Variants in CNMD observed in about 807,000 individuals in gnomAD.
The protein encoded by CNMD is leukocyte cell-derived chemotaxin 1.
CNMD carries 30 observed loss-of-function variants against 37.5 expected under a neutral mutation model. That is an observed-to-expected ratio of 0.80 (90% confidence interval 0.60 to 1.09). The LOEUF is 1.09. Among genes scored for constraint, CNMD ranks in the 50% least tolerant of loss-of-function variants. CNMD has a pLI of 0.00. For synonymous variants in CNMD, 167 were observed against 148.2 expected, an observed-to-expected ratio of 1.13 and a Z score of -0.92; for missense variants, 398 against 423.9, an observed-to-expected ratio of 0.94 and a Z score of 0.54.
chr13:52,726,547 A>C (rs1258910612), intron 3 of CNMD, among the ~76,000 whole-genome samples: 2 of 151,950 alleles, frequency 1.3e-5, no homozygotes, highest in African/African-American at 2.4e-5. Context: ...ATACTACTGC[A>C]TGCACCCAGA....
Position 52,724,084 on chromosome 13 carries a change from T to A in CNMD, c.381A>T (p.Gly127=). 1 of 1,613,888 alleles carries A rather than the reference T, an allele frequency of 6.2e-7. No homozygotes were observed. The highest frequency in any genetic ancestry group is 8.5e-7 in the Non-Finnish European group (1 of 1,179,896). ...QNGITGIRFA[G]GEKCYIKAQV... ...GCGCTTTAATGTAGCACTTCTCTCC[T>A]CCAGCAAAACGAATTCCTGTGATGC... The change falls in exon 4 of 7, where the codon GGA becomes GGT. Residue 127 remains glycine (G), a synonymous_variant. Transcript: ENST00000377962.
chr13:52,723,087 TC>T (rs1435712554), intron 4 of CNMD, among the ~76,000 whole-genome samples: 6 of 151,992 alleles, frequency 3.9e-5, no homozygotes, highest in African/African-American at 1.4e-4. Flanking sequence ...TTGTGGAGTC[TC>T]TTTCGGGTTT....
chr13:52,726,157 A>G (rs1408050670), intron 3 of CNMD, among the ~76,000 whole-genome samples: 1 of 152,176 alleles, frequency 6.6e-6, no homozygotes, highest in East Asian at 1.9e-4. Context: ...TTCACTGTAG[A>G]GGGTTTAAGA....
chr13:52,719,688 G>A (rs1333513187), intron 4 of CNMD, among the ~76,000 whole-genome samples: 3 of 152,214 alleles, frequency 2.0e-5, no homozygotes. Flanking sequence ...ATTCTGCCAA[G>A]AGATCTGCTG....
chr13:52,732,421 G>T (rs898207005), intron 3 of CNMD, among the ~76,000 whole-genome samples: 2 of 152,174 alleles, frequency 1.3e-5, no homozygotes, highest in Non-Finnish European at 2.9e-5. Flanking sequence ...TTGCTGCACA[G>T]CTTAATGTCT....
intron 4 of CNMD, among the ~76,000 whole-genome samples, chr13:52,720,223 C>T (rs1964459085): frequency 6.6e-6 from 1 of 152,130 alleles, no homozygotes; most frequent in South Asian, 2.1e-4. Flanking sequence ...TTCTAGTTAG[C>T]AATTCCTCTA....
At chr13:52,716,196 T>G (rs1964378013) in intron 4 of CNMD, among the ~76,000 whole-genome samples, 1 of 152,204 alleles carries the variant, frequency 6.6e-6, no homozygotes, top group Non-Finnish European at 1.5e-5. Context: ...TTGATGGGGT[T>G]GTTTCTTTCT....
chr13:52,738,914 C>T lies in CNMD; in HGVS notation c.213+117G>A. ...GAGTGGGATGGGAGAGGGGAGCTCA[C>T]GCTGGGCCCGAGGGGCCCGCCGGCA... On this transcript the variant is annotated intron_variant, in intron 2 of 6. Coordinates refer to ENST00000377962, the MANE Select transcript of CNMD (RefSeq NM_007015.3). The T allele has an allele frequency of 3.1e-6, 3 of 962,958 alleles. No individual in the cohort carries two copies. In the South Asian group the frequency reaches 9.0e-5, roughly 29 times the overall value. 59.7% of individuals were successfully genotyped at this position (962,958 alleles called of 1,614,324 possible).
intron 5 of CNMD, among the ~76,000 whole-genome samples, chr13:52,712,398 G>A: frequency 6.6e-6 from 1 of 152,150 alleles, no homozygotes; most frequent in South Asian, 2.1e-4. Flanking sequence ...TGTAAAATTG[G>A]AAGGTGCAAA....
In CNMD at chr13:52,730,348, T is replaced by C. The variant is rs373450377; in HGVS notation, c.354+2871A>G. Among the ~76,000 whole-genome samples the C allele has an allele frequency of 2.6e-5, 4 of 152,270 alleles. No homozygotes were observed. The East Asian group carries it at 7.7e-4, about 29-fold the overall frequency. ...TTTGGGTATATACCCAGTAATGGGA[T>C]GGCTGGGTCAAATGGTATTTCTAGT... On this transcript the variant is annotated intron_variant, in intron 3 of 6. Transcript: ENST00000377962.
At chr13:52,724,463 C>T (rs559484109) in intron 3 of CNMD, among the ~76,000 whole-genome samples, 10 of 146,456 alleles carry the variant, frequency 6.8e-5, no homozygotes, top group Admixed American at 2.7e-4. Context: ...TGGTGGCGGG[C>T]GCCTGTAGTC....
At chr13:52,722,441 T>G (rs928638559) in intron 4 of CNMD, among the ~76,000 whole-genome samples, 4 of 152,138 alleles carry the variant, frequency 2.6e-5, no homozygotes, top group Admixed American at 6.5e-5. Flanking sequence ...GGATCAAAGA[T>G]GATCATAATA....
intron 4 of CNMD, among the ~76,000 whole-genome samples, chr13:52,722,574 T>A (rs1292333147): frequency 6.6e-6 from 1 of 152,170 alleles, no homozygotes; most frequent in Non-Finnish European, 1.5e-5. Flanking sequence ...AGAGCTGAGA[T>A]GTAAATCCAC....
chr13:52,713,997 G>A (rs912714490), intron 4 of CNMD, among the ~76,000 whole-genome samples: 1 of 152,162 alleles, frequency 6.6e-6, no homozygotes, highest in African/African-American at 2.4e-5. Flanking sequence ...CCCCAGGAGA[G>A]ACACTTGCTT....
At position 52,712,819 on chromosome 13, in the gene CNMD, C is replaced by T. The variant is rs759030253; in HGVS notation, c.519G>A (p.Val173=). 1.9e-6 allele frequency: 3 copies of T among 1,590,642 alleles called. No homozygotes were observed. Residue 173 remains valine, a synonymous_variant, in exon 5 of 7, where the codon GTG becomes GTA. Transcript: ENST00000377962. ...TGTCCTTCACAGGCTGATCTACAGCCACCCAGATAAGAGAATTTTCTTCAT... is the reference window on the plus strand; with the variant it reads ...TGTCCTTCACAGGCTGATCTACAGCTACCCAGATAAGAGAATTTTCTTCAT... The part of the protein sequence containing the change: ...VKYEENSLIW[V]AVDQPVKDNS...
In CNMD at chr13:52,733,323, T is replaced by C. The variant is rs917947496; in HGVS notation, c.250A>G (p.Lys84Glu). Residue 84 changes from lysine (K) to glutamate (E), a missense_variant, in exon 3 of 7, where the codon AAA becomes GAA. By Grantham distance (56) the Lys-to-Glu change is moderately conservative. Coordinates refer to ENST00000377962, the MANE Select transcript of CNMD (RefSeq NM_007015.3). ...ATTTCCATTGACCCATCTTGTAATT[T>C]CCCATTGATACTCATGGTGTAATGG... ...NVHYTMSING[K>E]LQDGSMEIDA... The C allele has an allele frequency of 1.9e-6, 3 of 1,613,668 alleles. No homozygotes were observed. The highest frequency in any genetic ancestry group is 2.5e-6 in the Non-Finnish European group (3 of 1,179,688).
intron 5 of CNMD, among the ~76,000 whole-genome samples, chr13:52,710,702 T>G (rs2138225507): frequency 6.6e-6 from 1 of 152,360 alleles, no homozygotes; most frequent in African/African-American, 2.4e-5. Flanking sequence ...GATATTCCAT[T>G]TTATGGATAT....
chr13:52,728,388 A>G (rs1464880276), intron 3 of CNMD, among the ~76,000 whole-genome samples: 4 of 152,286 alleles, frequency 2.6e-5, no homozygotes, highest in African/African-American at 9.6e-5. Context: ...AAAAAAAAAA[A>G]AAATTCACTT....
At chr13:52,718,283 A>G (rs968314198) in intron 4 of CNMD, among the ~76,000 whole-genome samples, 2 of 152,106 alleles carry the variant, frequency 1.3e-5, no homozygotes, top group African/African-American at 4.8e-5. Flanking sequence ...AATCTCTTCA[A>G]AAAACCAGCT....
Sources: allele counts gnomAD v4.1 joint callset (sites outside exome capture counted in the v4.1 genomes callset), GRCh38; gene constraint gnomAD v4.1.1; transcripts MANE v1.5; gene names NCBI Gene and HGNC (gene_info 2026-07-23, HGNC 2026-07-21).